The following SSH2 variants were observed in gnomAD, a reference collection of about 807,000 sequenced individuals.
The protein encoded by SSH2 is protein phosphatase Slingshot homolog 2.
A neutral mutation model predicts 135.2 loss-of-function variants in SSH2; 37 were observed. The observed-to-expected ratio is 0.27, with a 90% CI of 0.21 to 0.36. The LOEUF is 0.36. SSH2 is among the 10% of genes least tolerant of loss of function. The pLI, the probability that SSH2 is intolerant of heterozygous loss-of-function variation, is 1.00. For synonymous variants in SSH2, 628 were observed against 646.2 expected (o/e 0.97, Z 0.43); for missense variants, 1,408 against 1,765.3 (o/e 0.80, Z 3.63).
chr17:29,677,651 A>G (rs764121958), intron 7 of SSH2, 22 bp downstream of exon 7: 6 of 1,609,560 alleles, frequency 3.7e-6, no homozygotes, highest in Non-Finnish European at 5.1e-6. Flanking sequence ...TCTGTAACAG[A>G]ATAAAAAAGG....
At chr17:29,798,766 C>A (rs113713326) in intron 2 of SSH2, among the ~76,000 whole-genome samples, 3 of 152,224 alleles carry the variant, frequency 2.0e-5, no homozygotes, top group African/African-American at 4.8e-5. Context: ...GTGTTTAGTA[C>A]GTTAACATTT....
At chr17:29,837,033 G>T (rs2042954098) in intron 2 of SSH2, among the ~76,000 whole-genome samples, 1 of 152,088 alleles carries the variant, frequency 6.6e-6, no homozygotes. Context: ...GAGGAGGGCG[G>T]ATCACTTGAG....
At chr17:29,752,051 T>A (rs1398033479) in intron 3 of SSH2, among the ~76,000 whole-genome samples, 1 of 152,142 alleles carries the variant, frequency 6.6e-6, no homozygotes, top group Admixed American at 6.6e-5. Flanking sequence ...ATGAAGAATA[T>A]TTAAAAAACA....
chr17:29,883,181 T>C (rs1298005443), intron 1 of SSH2: 7 of 152,106 alleles, frequency 4.6e-5, no homozygotes, highest in Non-Finnish European at 1.0e-4. Context: ...TGAATTCTGG[T>C]ATGGTAAAAG....
At chr17:29,665,592 G>A (rs936225464) in intron 11 of SSH2, among the ~76,000 whole-genome samples, 1 of 152,204 alleles carries the variant, frequency 6.6e-6, no homozygotes, top group African/African-American at 2.4e-5. Flanking sequence ...GAAGAGAAAG[G>A]AAGTGAAATT....
At chr17:29,803,086 A>AGGTCTGCCACTT (rs1329972397) in intron 2 of SSH2, among the ~76,000 whole-genome samples, 1 of 152,244 alleles carries the variant, frequency 6.6e-6, no homozygotes, top group Non-Finnish European at 1.5e-5. Flanking sequence ...TAAAGGCATC[A>AGGTCTGCCACTT]GGTCTGCCAC....
intron 3 of SSH2, among the ~76,000 whole-genome samples, chr17:29,712,819 A>T (rs1337501282): frequency 6.6e-6 from 1 of 152,136 alleles, no homozygotes; most frequent in Non-Finnish European, 1.5e-5. Context: ...AAACAAAACA[A>T]AACATTTATG....
At chr17:29,890,900 C>T (rs2066336244) in intron 1 of SSH2, among the ~76,000 whole-genome samples, 1 of 151,922 alleles carries the variant, frequency 6.6e-6, no homozygotes, top group African/African-American at 2.4e-5. Context: ...GGACTACAGG[C>T]ACACGCCACC....
chr17:29,722,006 G>C (rs146222168), intron 3 of SSH2, among the ~76,000 whole-genome samples: 1 of 152,336 alleles, frequency 6.6e-6, no homozygotes, highest in Non-Finnish European at 1.5e-5. Flanking sequence ...GCCGGATGCA[G>C]TGGCTCACGC....
chr17:29,850,875 C>T (rs1028624475), intron 1 of SSH2, among the ~76,000 whole-genome samples: 1 of 152,088 alleles, frequency 6.6e-6, no homozygotes, highest in Non-Finnish European at 1.5e-5. Flanking sequence ...GTCCCACCTA[C>T]TCGGGAGGTT....
At chr17:29,757,624 C>T (rs1218814660) in intron 3 of SSH2, among the ~76,000 whole-genome samples, 4 of 151,390 alleles carry the variant, frequency 2.6e-5, no homozygotes, top group Admixed American at 1.3e-4. Context: ...GGCACGGTAG[C>T]GCACTCCTGC....
rs1277595307 is a variant in SSH2 at position 29,626,261 on chromosome 17, T to C, written c.*4580A>G. On this transcript the variant is annotated 3_prime_UTR_variant, in exon 16 of 16. Transcript: ENST00000540801. ...GACTTGTTTTCCATGTTAGAACAAG[T>C]CCTACAAAACAAAGCAGAAAGAAAA... is the stretch of plus-strand genomic sequence containing the variant. 1 of 145,394 alleles carries C rather than the reference T, an allele frequency of 6.9e-6. No individual in the cohort carries two copies. Among genetic ancestry groups the C allele is most frequent in the Non-Finnish European group, 1.5e-5 (1 of 66,530 alleles). The allele number at this position is 145,394 out of a possible 1,614,324, so 9.0% of individuals were successfully genotyped here.
Position 29,837,100 on chromosome 17 carries a change from T to C in SSH2, c.144+11749A>G, listed in dbSNP as rs147336164. 1.1e-3 allele frequency among the ~76,000 whole-genome samples: 162 copies of C among 151,962 alleles called. 3 individuals carry two copies. The East Asian group carries it at 0.027, about 25-fold the overall frequency. On this transcript the variant is annotated intron_variant, in intron 2 of 15. Transcript: ENST00000540801. ...AGTGAAACCCATTCTCTACTAAAAA[T>C]ACAAAAATTAGCCAGGTGTGGTGGC...
chr17:29,917,195 C>T lies in SSH2; in HGVS notation c.63+12743G>A, dbSNP rs1418487796. ...TTAGATAACAGTATCTTATAATAAT[C>T]ATTCAGTAGAAAAAAAAACTGGCTT... is the stretch of plus-strand genomic sequence containing the variant. On this transcript the variant is annotated intron_variant, in intron 1 of 15. Coordinates refer to ENST00000540801, the MANE Select transcript of SSH2 (RefSeq NM_001282129.2). Among the ~76,000 whole-genome samples the T allele has an allele frequency of 2.6e-5, 4 of 152,028 alleles. No homozygotes were observed. In the East Asian group the frequency reaches 7.7e-4, roughly 29 times the overall value.
intron 2 of SSH2, among the ~76,000 whole-genome samples, chr17:29,832,376 C>G (rs1010508592): frequency 1.3e-5 from 2 of 152,232 alleles, no homozygotes; most frequent in African/African-American, 2.4e-5. Flanking sequence ...AAGTGATCCT[C>G]CTGCCTTGGC....
intron 1 of SSH2, among the ~76,000 whole-genome samples, chr17:29,860,423 C>T (rs945359432): frequency 6.8e-6 from 1 of 148,136 alleles, no homozygotes; most frequent in African/African-American, 2.5e-5. Flanking sequence ...AGCGTCTCTT[C>T]ATGGCCTTTG....
chr17:29,791,532 AAATGATTC>A (rs2042064348), intron 3 of SSH2, among the ~76,000 whole-genome samples: 1 of 152,264 alleles, frequency 6.6e-6, no homozygotes, highest in African/African-American at 2.4e-5. Flanking sequence ...ATGCTTAATG[AAATGATTC>A]AATGCTGGTT....
chr17:29,760,968 T>C (rs2041272903), intron 3 of SSH2: 1 of 466,750 alleles, frequency 2.1e-6, no homozygotes, highest in African/African-American at 2.1e-5. Flanking sequence ...TCCGCCTCCA[T>C]GAATCCCCCC....
intron 5 of SSH2, among the ~76,000 whole-genome samples, chr17:29,692,809 C>T (rs1237095983): frequency 6.6e-6 from 1 of 152,202 alleles, no homozygotes; most frequent in African/African-American, 2.4e-5. Context: ...TCAGCAGCAT[C>T]AGCAGTGTTT....
Sources: allele counts gnomAD v4.1 joint callset (sites outside exome capture counted in the v4.1 genomes callset), GRCh38; gene constraint gnomAD v4.1.1; transcripts MANE v1.5; gene names NCBI Gene and HGNC (gene_info 2026-07-23, HGNC 2026-07-21).